SLC22A31: variants seen among roughly 807,000 people sequenced by gnomAD.
SLC22A31 encodes the protein putative solute carrier family 22 member 31.
In SLC22A31, 42 loss-of-function variants were observed where a neutral mutation model predicts 27.4. That is an observed-to-expected ratio of 1.53 (90% confidence interval 1.20 to 1.98). The LOEUF (loss-of-function observed/expected upper bound fraction) is 1.98. SLC22A31 is among the 30% of genes most tolerant of loss of function. SLC22A31 has a pLI of 0.00. For missense variants in SLC22A31, 593 were observed against 479.9 expected (o/e 1.24, Z -2.20); for synonymous variants, 290 against 230.8 (o/e 1.26, Z -2.33).
Position 89,198,246 on chromosome 16 carries a change from G to A in SLC22A31, c.798C>T (p.Gly266=), listed in dbSNP as rs1168972057. Residue 266 remains glycine (G), a synonymous_variant, in exon 7 of 9, where the codon GGC becomes GGT. Transcript: ENST00000682282. The part of the protein sequence containing the change: ...TFYLPYFLEA[G]LEAAALVFLL... ...GGAAGACCAAGGCTGCCGCCTCCAG[G>A]CCGGCCTCCAGGAAGTAGGGCAGGT... 6.5e-7 allele frequency: 1 copy of A among 1,535,936 alleles called. No individual in the cohort carries two copies. The highest frequency in any genetic ancestry group is 8.7e-7 in the Non-Finnish European group (1 of 1,146,888).
chr16:89,196,457 G>C, intron 8 of SLC22A31, 152 bp from the exon 9 acceptor site: 1 of 1,247,606 alleles, frequency 8.0e-7, no homozygotes, highest in Non-Finnish European at 1.0e-6. Flanking sequence ...ACCAGGCCCA[G>C]GCCGGCCCCT....
rs1385482309 is a variant in SLC22A31, at chr16:89,199,782, G to A, written c.59C>T (p.Pro20Leu). The stretch of plus-strand genomic sequence containing the variant: ...CAGGAGGTGGCTCACCTGCTCCAGC[G>A]GGACCTTCCAGCCGTCTCCACACAC... The part of the protein sequence containing the change: ...NLVCGDGWKV[P>L]LEQVSHLLGW... The change falls in exon 2 of 9, where the codon CCG becomes CTG. Residue 20 changes from proline to leucine, a missense_variant. Coordinates refer to ENST00000682282, the MANE Select transcript of SLC22A31 (RefSeq NM_001384763.1). 9 of 403,940 alleles carry A rather than the reference G, an allele frequency of 2.2e-5. No homozygotes were observed. The highest frequency in any genetic ancestry group is 3.1e-4 in the Middle Eastern group (1 of 3,244). The allele number at this position is 403,940 out of a possible 1,614,324, so 25.0% of individuals were successfully genotyped here. A position where few individuals can be genotyped will look rare whatever the true frequency, so the allele number is the denominator to read the frequency against.
chr16:89,198,975 A>G lies in SLC22A31; in HGVS notation c.452+48T>C, dbSNP rs529727977. ...ATACGTCGGTGCAGAGGGAAGCTACATAGTCAGCCCCGATGAGGGCTGCTG... is the reference window on the plus strand; with the variant it reads ...ATACGTCGGTGCAGAGGGAAGCTACGTAGTCAGCCCCGATGAGGGCTGCTG... On this transcript the variant is annotated intron_variant, in intron 4 of 8. Transcript: ENST00000682282. The G allele has an allele frequency of 3.9e-5, 60 of 1,521,838 alleles. 1 individual carries two copies. The South Asian group carries it at 6.5e-4, about 16-fold the overall frequency. 94.3% of individuals were successfully genotyped at this position (1,521,838 alleles called of 1,614,324 possible).
chr16:89,197,030 T>TGCCCCC (rs1445999703), intron 8 of SLC22A31, among the ~76,000 whole-genome samples: 3 of 151,818 alleles, frequency 2.0e-5, no homozygotes, highest in African/African-American at 7.3e-5. Context: ...TCCTCATCTC[T>TGCCCCC]GCCCCCACCC....
Position 89,196,806 on chromosome 16 carries a change from C to T in SLC22A31, c.1034+492G>A, listed in dbSNP as rs141096917. On this transcript the variant is annotated intron_variant, in intron 8 of 8. Coordinates refer to ENST00000682282, the MANE Select transcript of SLC22A31 (RefSeq NM_001384763.1). ...ACTAAAAATACAAAAATTAGTTGTG[C>T]GTGGTGGTGGGTGCCTGTAATCCCA... Among the ~76,000 whole-genome samples, 5 of 151,992 alleles carry T rather than the reference C, an allele frequency of 3.3e-5. No homozygotes were observed. The East Asian group carries it at 5.8e-4, about 18-fold the overall frequency.
chr16:89,198,084 C>A, intron 7 of SLC22A31, 38 bp downstream of exon 7: 3 of 1,529,316 alleles, frequency 2.0e-6, no homozygotes, highest in Non-Finnish European at 2.6e-6. Flanking sequence ...GGCCCAAACA[C>A]AATGGCTCCT....
intron 7 of SLC22A31, 130 bp from the exon 8 acceptor site, chr16:89,197,539 C>G (rs753779982): frequency 6.5e-5 from 41 of 633,662 alleles, no homozygotes; most frequent in Non-Finnish European, 1.1e-4. Context: ...TCCAGCCCCC[C>G]TGAGAAACCT....
rs192041229 is a variant in SLC22A31 at position 89,196,202 on chromosome 16, C to T, written c.1138G>A (p.Val380Ile). The T allele has an allele frequency of 2.0e-5, 30 of 1,535,040 alleles. No homozygotes were observed. Among genetic ancestry groups the T allele is most frequent in the African/African-American group, 5.5e-5 (4 of 73,118 alleles). The part of the protein sequence containing the change: ...GRQGFFLQQV[V>I]FASLAVLALL... ...GCAAGGACAGCAAGGGAGGCGAAGA[C>T]GACTTGTTGCAGGAAGAAGCCCTGC... is the stretch of plus-strand genomic sequence containing the variant. Residue 380 changes from valine (V) to isoleucine (I), a missense_variant, in exon 9 of 9, where the codon GTC (valine) becomes ATC (isoleucine). Val to Ile is a conservative substitution (Grantham distance 29, BLOSUM62 3). Transcript: ENST00000682282.
Position 89,198,736 on chromosome 16 carries a change from C to A in SLC22A31, c.514G>T (p.Ala172Ser). ...WLLATGQVAR[A>S]RKILWRFAEA... ...GCAAAGCGCCACAGGATCTTCCTGG[C>A]TCGAGCTACCTGACCTGTGGCCAGC... The change falls in exon 5 of 9, where the codon GCC becomes TCC. Residue 172 changes from alanine to serine, a missense_variant. By Grantham distance (99) the Ala-to-Ser change is moderately conservative. Transcript: ENST00000682282. 6.5e-7 allele frequency: 1 copy of A among 1,535,808 alleles called. No individual in the cohort carries two copies.
chr16:89,199,349 C>A (rs941257224), intron 3 of SLC22A31, 64 bp downstream of exon 3: 1 of 726,956 alleles, frequency 1.4e-6, no homozygotes, highest in Non-Finnish European at 2.2e-6. Flanking sequence ...GGCAAGGGAG[C>A]CTCAGAGGCC....
Position 89,199,419 on chromosome 16 carries a change from G to C in SLC22A31, c.277C>G (p.Leu93Val), listed in dbSNP as rs1226350422. 5.3e-6 allele frequency: 3 copies of C among 566,212 alleles called. No homozygotes were observed. In the African/African-American group the frequency reaches 5.6e-5, roughly 11 times the overall value. The allele number at this position is 566,212 out of a possible 1,614,324, so 35.1% of individuals were successfully genotyped here. A position where few individuals can be genotyped will look rare whatever the true frequency, so the allele number is the denominator to read the frequency against. The part of the protein sequence containing the change: ...TLAGALLALY[L>V]ARLELCDPPH... ...CAGCCCCCAGGGTACTCACGAGCCA[G>C]ATACAGGGCGAGGAGGGCCCCTGCC... Residue 93 changes from leucine to valine, a missense_variant, in exon 3 of 9, where the codon CTG (leucine) becomes GTG (valine). Transcript: ENST00000682282.
intron 4 of SLC22A31, 106 bp from the exon 5 acceptor site, chr16:89,198,903 C>A: frequency 6.7e-7 from 1 of 1,487,496 alleles, no homozygotes; most frequent in Non-Finnish European, 8.9e-7. Flanking sequence ...CAGGACATCA[C>A]TGTAGTTCTC....
chr16:89,200,579 G>C (rs1368702958), upstream of SLC22A31, among the ~76,000 whole-genome samples: 2 of 152,184 alleles, frequency 1.3e-5, no homozygotes, highest in East Asian at 1.9e-4. Flanking sequence ...AGCCCGGCGG[G>C]TTCCAGGGCC....
rs766526633 is a variant in SLC22A31 at position 89,198,216 on chromosome 16, G to C, written c.828C>G (p.Leu276=). ...GGCGTCCACAGCAATCTGCCGTCAG[G>C]AGCAGGAAGACCAAGGCTGCCGCCT... is the stretch of plus-strand genomic sequence containing the variant. ...GLEAAALVFL[L]LTADCCGRRP... is the part of the protein sequence containing the mutation. Residue 276 remains leucine, a synonymous_variant, in exon 7 of 9, where the codon CTC becomes CTG. Transcript: ENST00000682282. 1.3e-6 allele frequency: 2 copies of C among 1,535,790 alleles called. No homozygotes were observed. The highest frequency in any genetic ancestry group is 2.7e-5 in the African/African-American group (2 of 73,060).
intron 7 of SLC22A31, 94 bp downstream of exon 7, chr16:89,198,028 G>T (rs1199636223): frequency 2.9e-6 from 4 of 1,387,500 alleles, no homozygotes; most frequent in Non-Finnish European, 3.9e-6. Flanking sequence ...GCCACCCCAG[G>T]CTGCTCCCCT....
intron 3 of SLC22A31, 35 bp from the exon 4 acceptor site, chr16:89,199,226 C>G: frequency 2.7e-6 from 4 of 1,497,780 alleles, no homozygotes; most frequent in Non-Finnish European, 3.5e-6. Flanking sequence ...GTGGAGGCCT[C>G]GGGGAGGACT....
rs1597322858 is a variant in SLC22A31, at chr16:89,200,072, G to C, written c.25-256C>G. ...TAAGTTTTCTGCTTGTCCCTAGATA[G>C]GGCCTCCCCCACCTCCGCACACCAT... On this transcript the variant is annotated intron_variant, in intron 1 of 8. Coordinates refer to ENST00000682282, the MANE Select transcript of SLC22A31 (RefSeq NM_001384763.1). 5 of 357,430 alleles carry C rather than the reference G, an allele frequency of 1.4e-5. No individual in the cohort carries two copies. The East Asian group carries it at 2.1e-4, about 15-fold the overall frequency. 22.1% of individuals were successfully genotyped at this position (357,430 alleles called of 1,614,324 possible).
chr16:89,196,523 CAT>C, intron 8 of SLC22A31: 5 of 779,408 alleles, frequency 6.4e-6, no homozygotes, highest in East Asian at 2.7e-5. Context: ...GGGGGACACA[CAT>C]GTGACTCCAG....
At chr16:89,198,868 C>T in intron 4 of SLC22A31, 71 bp from the exon 5 acceptor site, 2 of 1,494,466 alleles carry the variant, frequency 1.3e-6, no homozygotes, top group Non-Finnish European at 1.8e-6. Context: ...GGCCAGGGCC[C>T]CCACCCCACC....
Sources: allele counts gnomAD v4.1 joint callset (sites outside exome capture counted in the v4.1 genomes callset), GRCh38; gene constraint gnomAD v4.1.1; transcripts MANE v1.5; gene names NCBI Gene and HGNC (gene_info 2026-07-23, HGNC 2026-07-21).